PCDH7: variants seen among roughly 807,000 people sequenced by gnomAD.
The protein encoded by PCDH7 is protocadherin 7, also known as protocadherin-7.
In PCDH7, 17 loss-of-function variants were observed where a neutral mutation model predicts 58.9. The ratio of observed to expected loss-of-function variants is 0.29; its 90% confidence interval spans 0.20 to 0.43. PCDH7 has a LOEUF of 0.43. Among genes scored for constraint, PCDH7 ranks in the 20% least tolerant of loss-of-function variants. PCDH7 has a pLI of 1.00. For missense variants in PCDH7, 1,274 were observed against 1,441.0 expected, an observed-to-expected ratio of 0.88 and a Z score of 1.88; for synonymous variants, 664 against 616.4, an observed-to-expected ratio of 1.08 and a Z score of -1.14.
chr4:30,820,243 A>G (rs1288308403), intron 1 of PCDH7, among the ~76,000 whole-genome samples: 1 of 152,180 alleles, frequency 6.6e-6, no homozygotes. Context: ...TGTGTGAGAG[A>G]AAGTCCTTGT....
intron 1 of PCDH7, among the ~76,000 whole-genome samples, chr4:30,777,928 C>T (rs1266417200): frequency 6.6e-6 from 1 of 152,086 alleles, no homozygotes; most frequent in Non-Finnish European, 1.5e-5. Flanking sequence ...ATCATCTTTT[C>T]ATATTAATAG....
chr4:30,724,225 A>G (rs146762151), exon 1 of PCDH7: 4 of 1,613,724 alleles, frequency 2.5e-6, no homozygotes, highest in African/African-American at 1.3e-5. Context: ...TAAAAAGCCT[A>G]AAAAGGACAA....
At chr4:31,068,142 C>T (rs1004444414) in intron 3 of PCDH7, among the ~76,000 whole-genome samples, 1 of 151,776 alleles carries the variant, frequency 6.6e-6, no homozygotes, top group Admixed American at 6.6e-5. Context: ...TTTTTTGCAA[C>T]ATTTAAAGCA....
rs1308210794 is a variant in PCDH7 at position 30,722,412 on chromosome 4, G to A, written c.990G>A (p.Leu330=). Residue 330 remains leucine, a synonymous_variant, in exon 1 of 2, where the codon CTG becomes CTA. Coordinates refer to ENST00000361762, the Ensembl canonical transcript of PCDH7. This position sits in a 1 kb window ranked among gnomAD's most constrained non-coding sequence, Gnocchi z 7.6. ...CCCCGGGGACCCCCATCCTGCAACT[G>A]CGCGCAGCCGACTTGGACGTGGGGG... 1.2e-6 allele frequency: 2 copies of A among 1,612,656 alleles called. No homozygotes were observed. The highest frequency in any genetic ancestry group is 1.7e-6 in the Non-Finnish European group (2 of 1,179,928).
intron 3 of PCDH7, among the ~76,000 whole-genome samples, chr4:30,959,405 A>G (rs1748173850): frequency 6.6e-6 from 1 of 152,156 alleles, no homozygotes; most frequent in African/African-American, 2.4e-5. Flanking sequence ...GATACATATT[A>G]TCTTGTCTTG....
chr4:31,008,306 G>C (rs1173896021), intron 3 of PCDH7, among the ~76,000 whole-genome samples: 2 of 152,082 alleles, frequency 1.3e-5, no homozygotes, highest in Admixed American at 6.6e-5. Context: ...TTGGATTATA[G>C]CTTTTGGGGA....
At chr4:31,062,910 A>T (rs1325833025) in intron 3 of PCDH7, among the ~76,000 whole-genome samples, 10 of 151,846 alleles carry the variant, frequency 6.6e-5, no homozygotes, top group Non-Finnish European at 1.5e-5. Context: ...TTTAGCATAA[A>T]TTTTGAGGCT....
intron 1 of PCDH7, among the ~76,000 whole-genome samples, chr4:30,770,914 T>A (rs568808123): frequency 6.6e-6 from 1 of 152,298 alleles, no homozygotes; most frequent in South Asian, 2.1e-4. Flanking sequence ...ATAAGCAACC[T>A]TACTTTCTGT....
At chr4:31,140,616 A>C (rs551387291) in intron 3 of PCDH7, among the ~76,000 whole-genome samples, 1 of 151,596 alleles carries the variant, frequency 6.6e-6, no homozygotes, top group South Asian at 2.1e-4. Context: ...GTTAAAAAAA[A>C]AAAAAAAAGA....
intron 1 of PCDH7, among the ~76,000 whole-genome samples, chr4:30,763,094 T>C (rs891835653): frequency 1.3e-5 from 2 of 151,926 alleles, no homozygotes; most frequent in Non-Finnish European, 2.9e-5. Flanking sequence ...AATACAAAAT[T>C]AGCCTGTAAT....
At chr4:30,729,793 G>A (rs946137445) in intron 1 of PCDH7, among the ~76,000 whole-genome samples, 3 of 151,908 alleles carry the variant, frequency 2.0e-5, no homozygotes, top group Non-Finnish European at 2.9e-5. Flanking sequence ...AGTCATGCAC[G>A]AATGTTTTCT....
At chr4:31,130,926 A>G (rs982782546) in intron 3 of PCDH7, among the ~76,000 whole-genome samples, 3 of 152,142 alleles carry the variant, frequency 2.0e-5, no homozygotes, top group African/African-American at 7.2e-5. Flanking sequence ...GCAAAGGGGA[A>G]TGAAGGTTTC....
intron 1 of PCDH7, among the ~76,000 whole-genome samples, chr4:30,761,765 G>T (rs762136268): frequency 6.6e-6 from 1 of 152,174 alleles, no homozygotes; most frequent in Non-Finnish European, 1.5e-5. Flanking sequence ...GTGTTGTCAT[G>T]TGCTAAGTTC....
intron 2 of PCDH7, among the ~76,000 whole-genome samples, chr4:30,929,656 G>T (rs1256219847): frequency 6.6e-6 from 1 of 152,028 alleles, no homozygotes; most frequent in Non-Finnish European, 1.5e-5. Context: ...ATAGTATCCA[G>T]CTATTTAAAA....
intron 1 of PCDH7, among the ~76,000 whole-genome samples, chr4:30,757,742 TGCCTA>T (rs1719500629): frequency 6.6e-6 from 1 of 152,228 alleles, no homozygotes; most frequent in Non-Finnish European, 1.5e-5. Context: ...AATTTTTATA[TGCCTA>T]TTCCCGCAAT....
chr4:30,759,291 C>T (rs1719730784), intron 1 of PCDH7, among the ~76,000 whole-genome samples: 1 of 152,058 alleles, frequency 6.6e-6, no homozygotes, highest in South Asian at 2.1e-4. Context: ...CAGCATTCTT[C>T]TTTATGGATA....
rs751883060 is a variant in PCDH7 at position 30,721,470 on chromosome 4, C to T, written c.48C>T (p.Gly16=). 4.4e-6 allele frequency: 7 copies of T among 1,576,910 alleles called. No individual in the cohort carries two copies. Among genetic ancestry groups the T allele is most frequent in the Non-Finnish European group, 6.0e-6 (7 of 1,167,164 alleles). The change falls in exon 1 of 2, where the codon GGC becomes GGT. Residue 16 remains glycine (G), a synonymous_variant. Coordinates refer to ENST00000361762, the Ensembl canonical transcript of PCDH7. The surrounding 1 kb of genome is among the most constrained non-coding windows in gnomAD (Gnocchi z 6.7). ...GATGGGCGCGCGGCTGGTGCTTGGG[C>T]TGCTGCCTCCTCCTGCCGCTCTCGC...
At chr4:30,746,764 C>T (rs1717831245) in intron 1 of PCDH7, among the ~76,000 whole-genome samples, 1 of 152,150 alleles carries the variant, frequency 6.6e-6, no homozygotes, top group Admixed American at 6.5e-5. Flanking sequence ...TTTCCTCTCA[C>T]AATGGTTATT....
At chr4:30,909,367 A>T (rs1396329476) in intron 1 of PCDH7, among the ~76,000 whole-genome samples, 1 of 152,180 alleles carries the variant, frequency 6.6e-6, no homozygotes, top group Non-Finnish European at 1.5e-5. Context: ...ATGGTATTCA[A>T]ATAGAAAGAG....
Sources: allele counts gnomAD v4.1 joint callset (sites outside exome capture counted in the v4.1 genomes callset), GRCh38; gene constraint gnomAD v4.1.1; non-coding constraint Gnocchi (gnomAD v3.1); transcripts MANE v1.5; gene names NCBI Gene and HGNC (gene_info 2026-07-23, HGNC 2026-07-21).